LRMDA: variants seen among roughly 807,000 people sequenced by gnomAD.
LRMDA encodes the protein leucine rich melanocyte differentiation associated.
Under a neutral mutation model 29.8 loss-of-function variants are expected in LRMDA, and 18 were observed. That is an observed-to-expected ratio of 0.60 (90% CI 0.42 to 0.90). The LOEUF is 0.90. Ranked by LOEUF, LRMDA falls within the 40% of genes least tolerant of loss-of-function variation. LRMDA has a pLI of 0.00. For synonymous variants in LRMDA, 125 were observed against 109.4 expected, an observed-to-expected ratio of 1.14 and a Z score of -0.89; for missense variants, 273 against 273.9, an observed-to-expected ratio of 1.00 and a Z score of 0.02.
chr10:76,384,150 T>C (rs1841631363), intron 6 of LRMDA, among the ~76,000 whole-genome samples: 1 of 152,206 alleles, frequency 6.6e-6, no homozygotes, highest in Non-Finnish European at 1.5e-5. Flanking sequence ...TTCCCTGTTC[T>C]TTGGGTGTTT....
intron 5 of LRMDA, among the ~76,000 whole-genome samples, chr10:76,291,116 C>A (rs1178581829): frequency 6.6e-6 from 1 of 152,148 alleles, no homozygotes; most frequent in Non-Finnish European, 1.5e-5. Context: ...AAGGAGCGGT[C>A]AATGAGTGTT....
chr10:75,873,604 T>G (rs1485337189), intron 2 of LRMDA, among the ~76,000 whole-genome samples: 2 of 152,230 alleles, frequency 1.3e-5, no homozygotes, highest in East Asian at 3.8e-4. Context: ...CACAGGGCTA[T>G]AACTCTCAGG....
chr10:76,234,489 C>G (rs1476898440), intron 5 of LRMDA, among the ~76,000 whole-genome samples: 1 of 152,168 alleles, frequency 6.6e-6, no homozygotes, highest in East Asian at 1.9e-4. Flanking sequence ...AGAGAGTCAG[C>G]CTGTCCTTTG....
At chr10:75,864,343 A>G (rs79909171) in intron 2 of LRMDA, among the ~76,000 whole-genome samples, 2,400 of 152,244 alleles carry the variant, frequency 0.016, 55 homozygotes, top group African/African-American at 0.055. Context: ...CTATGAACCT[A>G]TGGGACATGA....
At chr10:76,502,014 C>T (rs144402509) in intron 6 of LRMDA, among the ~76,000 whole-genome samples, 243 of 151,958 alleles carry the variant, frequency 1.6e-3, no homozygotes, top group African/African-American at 5.5e-3. Context: ...AATCTTTAAT[C>T]CATTTTGAGT....
chr10:76,291,772 ACTCTATT>A (rs1840344079), intron 5 of LRMDA, among the ~76,000 whole-genome samples: 1 of 151,528 alleles, frequency 6.6e-6, no homozygotes, highest in Non-Finnish European at 1.5e-5. Context: ...TTATTTTCTA[ACTCTATT>A]GTTTTCACTA....
At chr10:75,734,344 C>A (rs1485418860) in intron 2 of LRMDA, among the ~76,000 whole-genome samples, 1 of 152,136 alleles carries the variant, frequency 6.6e-6, no homozygotes, top group African/African-American at 2.4e-5. Flanking sequence ...AGGAATGAAG[C>A]AGAGTTGTCA....
At chr10:76,150,294 C>T (rs1018492113) in intron 5 of LRMDA, among the ~76,000 whole-genome samples, 4 of 152,196 alleles carry the variant, frequency 2.6e-5, no homozygotes, top group African/African-American at 4.8e-5. Context: ...GCTGGGCATG[C>T]GTGTGGGTGC....
rs373867030 is a variant in LRMDA, at chr10:76,151,024, C to T, written c.516+92241C>T. ...TAAGACCCAGCCGGGCAGCAGAATC[C>T]AAGCGCCCTGTATGCACCTCTGAAC... On this transcript the variant is annotated intron_variant, in intron 5 of 6. Coordinates refer to ENST00000611255, the MANE Select transcript of LRMDA (RefSeq NM_001305581.2). Among the ~76,000 whole-genome samples, 27 of 152,216 alleles carry T rather than the reference C, an allele frequency of 1.8e-4. No individual in the cohort carries two copies. In the South Asian group the frequency reaches 5.4e-3, roughly 30 times the overall value.
chr10:76,299,542 T>C (rs1039421051), intron 5 of LRMDA, among the ~76,000 whole-genome samples: 1 of 151,864 alleles, frequency 6.6e-6, no homozygotes, highest in Non-Finnish European at 1.5e-5. Context: ...TTATACTTGC[T>C]CTGCTCTGCT....
chr10:75,495,791 A>G (rs1271092450), intron 2 of LRMDA, among the ~76,000 whole-genome samples: 1 of 152,230 alleles, frequency 6.6e-6, no homozygotes, highest in African/African-American at 2.4e-5. Context: ...GATGAAGGCA[A>G]TGCCTCGGGG....
intron 5 of LRMDA, among the ~76,000 whole-genome samples, chr10:76,174,220 A>C (rs1304005376): frequency 6.6e-6 from 1 of 152,212 alleles, no homozygotes; most frequent in African/African-American, 2.4e-5. Flanking sequence ...CTTATTTCAC[A>C]TTGCATGCCT....
At chr10:76,466,964 A>G (rs1180282738) in intron 6 of LRMDA, among the ~76,000 whole-genome samples, 1 of 152,180 alleles carries the variant, frequency 6.6e-6, no homozygotes, top group Non-Finnish European at 1.5e-5. Context: ...AGTATATTCC[A>G]TCATAAGGAT....
At chr10:75,601,751 T>G (rs927211503) in intron 2 of LRMDA, among the ~76,000 whole-genome samples, 1 of 152,186 alleles carries the variant, frequency 6.6e-6, no homozygotes, top group Non-Finnish European at 1.5e-5. Flanking sequence ...ATGCTTTACG[T>G]GTATTATCCC....
chr10:76,206,004 C>T (rs1299619952), intron 5 of LRMDA, among the ~76,000 whole-genome samples: 4 of 152,174 alleles, frequency 2.6e-5, no homozygotes, highest in Admixed American at 6.5e-5. Context: ...ATGGGAAACT[C>T]GAGAAGCATT....
intron 2 of LRMDA, among the ~76,000 whole-genome samples, chr10:75,901,396 T>C (rs1358005911): frequency 6.6e-6 from 1 of 152,046 alleles, no homozygotes; most frequent in African/African-American, 2.4e-5. Context: ...AAAACAAATA[T>C]ATGCTTGACT....
chr10:75,996,410 C>A (rs971851293), intron 2 of LRMDA, among the ~76,000 whole-genome samples: 4 of 152,076 alleles, frequency 2.6e-5, no homozygotes, highest in Admixed American at 2.0e-4. Context: ...GTTTTATGAC[C>A]CCTCTTCTTC....
chr10:76,361,116 T>G (rs1035539260), intron 6 of LRMDA, among the ~76,000 whole-genome samples: 1 of 151,600 alleles, frequency 6.6e-6, no homozygotes, highest in Non-Finnish European at 1.5e-5. Context: ...TAAAAATTAG[T>G]TGGATGCTGT....
intron 2 of LRMDA, chr10:75,743,532 TG>T (rs1842855965): frequency 6.6e-6 from 1 of 152,188 alleles, no homozygotes; most frequent in African/African-American, 2.4e-5. Context: ...CTTTCCTTCG[TG>T]GGATAAAGAA....
Sources: gnomAD v4.1 joint callset for allele counts (sites outside exome capture counted in the v4.1 genomes callset) on GRCh38, gnomAD v4.1.1 for gene constraint, MANE v1.5 for transcripts, NCBI Gene and HGNC (gene_info 2026-07-23, HGNC 2026-07-21) for gene names.